ZNF385D: variants seen among roughly 807,000 people sequenced by gnomAD.
The protein encoded by ZNF385D is zinc finger protein 385D.
A neutral mutation model predicts 35.8 loss-of-function variants in ZNF385D; 15 were observed. The observed-to-expected ratio is 0.42, with a 90% CI of 0.28 to 0.64. ZNF385D has a LOEUF of 0.64. Ranked by LOEUF, ZNF385D falls within the 30% of genes least tolerant of loss-of-function variation. The pLI, the probability that ZNF385D is intolerant of heterozygous loss-of-function variation, is 0.23. For missense variants in ZNF385D, 474 were observed against 494.6 expected, an observed-to-expected ratio of 0.96 and a Z score of 0.39; for synonymous variants, 212 against 186.8, an observed-to-expected ratio of 1.13 and a Z score of -1.10.
intron 3 of ZNF385D, among the ~76,000 whole-genome samples, chr3:21,540,173 A>C (rs988352495): frequency 9.2e-5 from 14 of 152,236 alleles, no homozygotes; most frequent in African/African-American, 2.7e-4. Flanking sequence ...AATACAATAG[A>C]TTATAAGCTC....
intron 3 of ZNF385D, among the ~76,000 whole-genome samples, chr3:21,879,970 T>G (rs533354172): frequency 1.3e-5 from 2 of 151,902 alleles, no homozygotes; most frequent in African/African-American, 4.8e-5. Context: ...CAAATTAGAG[T>G]CTGGCCACAA....
intron 3 of ZNF385D, among the ~76,000 whole-genome samples, chr3:21,813,539 G>A (rs909213075): frequency 1.3e-5 from 2 of 152,144 alleles, no homozygotes; most frequent in Non-Finnish European, 2.9e-5. Flanking sequence ...CATGGCACGA[G>A]AATTATGCGA....
intron 3 of ZNF385D, among the ~76,000 whole-genome samples, chr3:21,817,188 A>G (rs1016821470): frequency 8.5e-5 from 13 of 152,214 alleles, no homozygotes; most frequent in Non-Finnish European, 5.9e-5. Flanking sequence ...TTAATTCAAG[A>G]TGGATTAAAG....
At chr3:22,003,337 A>G (rs941212769) in intron 3 of ZNF385D, among the ~76,000 whole-genome samples, 4 of 152,190 alleles carry the variant, frequency 2.6e-5, no homozygotes, top group Admixed American at 2.0e-4. Flanking sequence ...TAGCTGCAAA[A>G]AAAGCATAAT....
intron 3 of ZNF385D, among the ~76,000 whole-genome samples, chr3:22,161,667 G>A (rs894018596): frequency 3.9e-5 from 6 of 152,046 alleles, no homozygotes; most frequent in African/African-American, 1.2e-4. Context: ...TGGCATGATA[G>A]AGAATATATA....
chr3:21,630,848 GA>G (rs1354780920), intron 2 of ZNF385D, among the ~76,000 whole-genome samples: 1 of 152,112 alleles, frequency 6.6e-6, no homozygotes, highest in Non-Finnish European at 1.5e-5. Flanking sequence ...ACATACCCAG[GA>G]AGGTAGTACT....
chr3:21,611,002 T>G (rs148898904), intron 2 of ZNF385D, among the ~76,000 whole-genome samples: 200 of 152,260 alleles, frequency 1.3e-3, no homozygotes, highest in African/African-American at 4.4e-3. Context: ...AGCCCCAAAT[T>G]TCTTGTCATA....
At chr3:21,695,071 T>C (rs765583225) in intron 1 of ZNF385D, among the ~76,000 whole-genome samples, 2 of 152,130 alleles carry the variant, frequency 1.3e-5, no homozygotes, top group East Asian at 3.9e-4. Context: ...AGATGAGATA[T>C]AAGGTATGTG....
At chr3:21,679,377 A>T (rs1236549801) in intron 1 of ZNF385D, among the ~76,000 whole-genome samples, 2 of 152,084 alleles carry the variant, frequency 1.3e-5, no homozygotes, top group African/African-American at 4.8e-5. Context: ...TATATCTCTT[A>T]TGATACTTAC....
At chr3:22,261,132 C>T (rs1355373937) in intron 2 of ZNF385D, among the ~76,000 whole-genome samples, 1 of 151,378 alleles carries the variant, frequency 6.6e-6, no homozygotes, top group East Asian at 2.0e-4. Flanking sequence ...TCCATCTACA[C>T]CGACCTACCT....
rs866497624 is a variant in ZNF385D, at chr3:22,037,581, G to T, written c.325+131236C>A. ...GTTGTTTTTTTCTTGTAAATTTGTT[G>T]GAGTTCATTGTAGATTCTGGATATT... On this transcript the variant is annotated intron_variant, in intron 3 of 5. Transcript: ENST00000494108. 5.1e-3 allele frequency among the ~76,000 whole-genome samples: 774 copies of T among 151,828 alleles called. 8 individuals are homozygous for T. The highest frequency in any genetic ancestry group is 0.017 in the Middle Eastern group (5 of 294).
chr3:22,161,664 A>C (rs1165441983), intron 3 of ZNF385D, among the ~76,000 whole-genome samples: 6 of 152,162 alleles, frequency 3.9e-5, no homozygotes, highest in Non-Finnish European at 5.9e-5. Context: ...TTCTGGCATG[A>C]TAGAGAATAT....
intron 3 of ZNF385D, among the ~76,000 whole-genome samples, chr3:21,814,260 G>A (rs1302320119): frequency 1.3e-5 from 2 of 152,158 alleles, no homozygotes; most frequent in African/African-American, 4.8e-5. Context: ...AAATTGTAAA[G>A]ACCATCGATG....
chr3:21,691,523 C>G (rs1176647152), intron 1 of ZNF385D, among the ~76,000 whole-genome samples: 1 of 152,086 alleles, frequency 6.6e-6, no homozygotes, highest in Non-Finnish European at 1.5e-5. Flanking sequence ...CCAACCTTTT[C>G]TCCTTTCTTT....
chr3:21,960,886 G>C (rs1702549643), intron 3 of ZNF385D, among the ~76,000 whole-genome samples: 1 of 152,060 alleles, frequency 6.6e-6, no homozygotes, highest in Admixed American at 6.6e-5. Flanking sequence ...CTGAGCTCTT[G>C]GAAGCAGAGT....
rs527614847 is a variant in ZNF385D at position 21,668,233 on chromosome 3, T to C, written c.23-3205A>G. ...CCAAAGGGAGCTGCCTTACCTAAGGTGACCCTTAAGTGGAGGAGTTGATAG... is the reference window on the plus strand; with the variant it reads ...CCAAAGGGAGCTGCCTTACCTAAGGCGACCCTTAAGTGGAGGAGTTGATAG... On this transcript the variant is annotated intron_variant, in intron 1 of 7. Transcript: ENST00000281523. Among the ~76,000 whole-genome samples, 16 of 152,232 alleles carry C rather than the reference T, an allele frequency of 1.1e-4. No individual in the cohort carries two copies. In the South Asian group the frequency reaches 3.3e-3, roughly 32 times the overall value.
chr3:22,270,681 A>G (rs974825043), intron 2 of ZNF385D, among the ~76,000 whole-genome samples: 1 of 152,016 alleles, frequency 6.6e-6, no homozygotes, highest in Non-Finnish European at 1.5e-5. Context: ...TGCTTTCCTT[A>G]CAGTAATAAC....
At chr3:22,160,554 C>T (rs1007370750) in intron 3 of ZNF385D, among the ~76,000 whole-genome samples, 1 of 151,824 alleles carries the variant, frequency 6.6e-6, no homozygotes, top group Non-Finnish European at 1.5e-5. Context: ...TCTTCTGGGG[C>T]AATCAATGGA....
chr3:21,742,445 G>A (rs1339981171), intron 1 of ZNF385D, among the ~76,000 whole-genome samples: 1 of 152,196 alleles, frequency 6.6e-6, no homozygotes, highest in South Asian at 2.1e-4. Flanking sequence ...TCTCTCTGCA[G>A]GTCTTTGGCC....
Sources: gnomAD v4.1 joint callset for allele counts (sites outside exome capture counted in the v4.1 genomes callset) on GRCh38, gnomAD v4.1.1 for gene constraint, MANE v1.5 for transcripts, NCBI Gene and HGNC (gene_info 2026-07-23, HGNC 2026-07-21) for gene names.